LRRTM3: variants seen among roughly 807,000 people sequenced by gnomAD.
The protein encoded by LRRTM3 is leucine rich repeat transmembrane neuronal 3, also known as leucine-rich repeat transmembrane neuronal protein 3.
Under a neutral mutation model 44.7 loss-of-function variants are expected in LRRTM3, and 24 were observed. The ratio of observed to expected loss-of-function variants is 0.54; its 90% CI spans 0.39 to 0.76. The LOEUF is 0.76. Ranked by LOEUF, LRRTM3 falls within the 30% of genes least tolerant of loss-of-function variation. The probability of loss-of-function intolerance (pLI) is 0.00; values close to 1 mark genes in which losing one functional copy is unlikely to be tolerated. For synonymous variants in LRRTM3, 277 were observed against 278.7 expected, an observed-to-expected ratio of 0.99 and a Z score of 0.06; for missense variants, 587 against 702.2, an observed-to-expected ratio of 0.84 and a Z score of 1.85.
chr10:67,060,197 AG>A (rs1427101169), intron 2 of LRRTM3, among the ~76,000 whole-genome samples: 1 of 152,158 alleles, frequency 6.6e-6, no homozygotes, highest in Non-Finnish European at 1.5e-5. Context: ...ATGCGCCTGT[AG>A]TCTCAGCTAC....
chr10:67,080,870 C>T (rs1346464047), intron 2 of LRRTM3, among the ~76,000 whole-genome samples: 1 of 150,974 alleles, frequency 6.6e-6, no homozygotes, highest in Non-Finnish European at 1.5e-5. Flanking sequence ...GATCTGGCCA[C>T]TGCACTCCAG....
Position 67,027,891 on chromosome 10 carries a change from T to C in LRRTM3, c.1537-69696T>C, listed in dbSNP as rs188486389. On this transcript the variant is annotated intron_variant, in intron 2 of 2. Transcript: ENST00000361320. ...TTGCTTCTGAATGATAAGCTCTTAATGTCATAATGATGATGATATCACTTT... is the reference window on the plus strand; with the variant it reads ...TTGCTTCTGAATGATAAGCTCTTAACGTCATAATGATGATGATATCACTTT... Among the ~76,000 whole-genome samples the C allele has an allele frequency of 2.5e-3, 387 of 152,318 alleles. 1 individual carries two copies. Among genetic ancestry groups the C allele is most frequent in the East Asian group, 2.7e-3 (14 of 5,192 alleles).
intron 2 of LRRTM3, among the ~76,000 whole-genome samples, chr10:67,019,444 C>T (rs977665817): frequency 6.6e-6 from 1 of 152,166 alleles, no homozygotes; most frequent in East Asian, 1.9e-4. Flanking sequence ...TCACAAACTC[C>T]CGACCTCAGG....
intron 2 of LRRTM3, among the ~76,000 whole-genome samples, chr10:66,984,598 C>A (rs985693849): frequency 1.3e-5 from 2 of 152,044 alleles, no homozygotes; most frequent in African/African-American, 2.4e-5. Context: ...CTTCTCAATG[C>A]GTTCATGATT....
intron 2 of LRRTM3, among the ~76,000 whole-genome samples, chr10:67,078,198 C>A (rs536578767): frequency 6.6e-6 from 1 of 152,290 alleles, no homozygotes; most frequent in East Asian, 1.9e-4. Flanking sequence ...TTTGCTTGAT[C>A]TCAGTAAACA....
intron 2 of LRRTM3, among the ~76,000 whole-genome samples, chr10:67,068,145 C>G (rs1856205350): frequency 6.6e-6 from 1 of 151,942 alleles, no homozygotes. Context: ...GAGAGCTAAA[C>G]TAAGCTGAGT....
chr10:67,024,629 T>C (rs1349766957), intron 2 of LRRTM3, among the ~76,000 whole-genome samples: 2 of 152,290 alleles, frequency 1.3e-5, no homozygotes, highest in Non-Finnish European at 2.9e-5. Flanking sequence ...ATGAGCCATA[T>C]ATGCAAATGG....
At chr10:67,039,819 T>C (rs551962931) in intron 2 of LRRTM3, among the ~76,000 whole-genome samples, 1 of 152,276 alleles carries the variant, frequency 6.6e-6, no homozygotes, top group African/African-American at 2.4e-5. Context: ...TAAAAGATAA[T>C]TATTGATTGC....
intron 2 of LRRTM3, among the ~76,000 whole-genome samples, chr10:67,048,640 T>C (rs568475586): frequency 6.6e-6 from 1 of 152,196 alleles, no homozygotes; most frequent in South Asian, 2.1e-4. Flanking sequence ...CTTTTTATTT[T>C]GAGAGCTGCA....
intron 2 of LRRTM3, among the ~76,000 whole-genome samples, chr10:67,088,021 C>T (rs145125047): frequency 6.6e-6 from 1 of 151,856 alleles, no homozygotes; most frequent in African/African-American, 2.4e-5. Context: ...AATCTAAAAA[C>T]AGACATATAA....
At chr10:66,991,366 A>C (rs990303603) in intron 2 of LRRTM3, among the ~76,000 whole-genome samples, 1 of 152,214 alleles carries the variant, frequency 6.6e-6, no homozygotes, top group Non-Finnish European at 1.5e-5. Flanking sequence ...TTTTAAAATT[A>C]AAGGATATTT....
At chr10:66,992,695 A>G (rs1851108768) in intron 2 of LRRTM3, among the ~76,000 whole-genome samples, 1 of 152,088 alleles carries the variant, frequency 6.6e-6, no homozygotes, top group Non-Finnish European at 1.5e-5. Flanking sequence ...TGTTGATCAC[A>G]TTTAAGTCTT....
At chr10:66,932,375 A>G (rs1463182099) in intron 2 of LRRTM3, among the ~76,000 whole-genome samples, 1 of 152,232 alleles carries the variant, frequency 6.6e-6, no homozygotes, top group African/African-American at 2.4e-5. Context: ...AACAAGCATC[A>G]GGTCATGAAG....
At chr10:66,971,401 T>C (rs1849717590) in intron 2 of LRRTM3, among the ~76,000 whole-genome samples, 1 of 146,910 alleles carries the variant, frequency 6.8e-6, no homozygotes, top group Admixed American at 7.0e-5. Flanking sequence ...ACTCTAAGCC[T>C]GGGCAACAGA....
chr10:67,078,433 C>A (rs924527399), intron 2 of LRRTM3, among the ~76,000 whole-genome samples: 39 of 152,246 alleles, frequency 2.6e-4, no homozygotes, highest in African/African-American at 8.4e-4. Flanking sequence ...GAGGGACCAA[C>A]AAAATGTTAC....
chr10:67,026,565 A>G (rs556866790), intron 2 of LRRTM3, among the ~76,000 whole-genome samples: 15 of 152,298 alleles, frequency 9.8e-5, no homozygotes, highest in African/African-American at 3.6e-4. Context: ...GCCTTCAAAT[A>G]GCTCCTTATA....
chr10:66,941,717 C>T lies in LRRTM3; in HGVS notation c.1536+13265C>T, dbSNP rs181283485. ...TGCAGCCTTGACCGCACTGCCCGTG[C>T]CAGCCAGAATTCAAGCCGCGTGAGC... On this transcript the variant is annotated intron_variant, in intron 2 of 2. Transcript: ENST00000361320. 1.5e-3 allele frequency among the ~76,000 whole-genome samples: 234 copies of T among 152,250 alleles called. 1 individual carries two copies. Among genetic ancestry groups the T allele is most frequent in the South Asian group, 0.014 (67 of 4,824 alleles).
At chr10:67,062,102 A>G (rs1272574897) in intron 2 of LRRTM3, among the ~76,000 whole-genome samples, 3 of 152,162 alleles carry the variant, frequency 2.0e-5, no homozygotes, top group Non-Finnish European at 4.4e-5. Flanking sequence ...ACCACTTTAT[A>G]TATATATACA....
At chr10:67,085,102 A>C (rs1589716943) in intron 2 of LRRTM3, among the ~76,000 whole-genome samples, 1 of 152,088 alleles carries the variant, frequency 6.6e-6, no homozygotes, top group Admixed American at 6.6e-5. Context: ...TTCAATATCT[A>C]CTTTGAACTG....
Sources: gnomAD v4.1 joint callset for allele counts (sites outside exome capture counted in the v4.1 genomes callset) on GRCh38, gnomAD v4.1.1 for gene constraint, MANE v1.5 for transcripts, NCBI Gene and HGNC (gene_info 2026-07-23, HGNC 2026-07-21) for gene names.